C8orf34: variants seen among roughly 807,000 people sequenced by gnomAD.
C8orf34 encodes chromosome 8 open reading frame 34, also known as uncharacterized protein C8orf34.
A neutral mutation model predicts 68.3 loss-of-function variants in C8orf34; 65 were observed. The observed-to-expected ratio is 0.95, with a 90% CI of 0.78 to 1.17. The LOEUF (loss-of-function observed/expected upper bound fraction) is 1.17, where lower values mean the gene tolerates loss of function less well. C8orf34 is among the 50% of genes most tolerant of loss of function. The probability of loss-of-function intolerance (pLI) is 0.00; values close to 1 mark genes in which losing one functional copy is unlikely to be tolerated. For synonymous variants in C8orf34, 244 were observed against 241.2 expected, an observed-to-expected ratio of 1.01 and a Z score of -0.11; for missense variants, 664 against 655.4, an observed-to-expected ratio of 1.01 and a Z score of -0.14.
intron 1 of C8orf34, among the ~76,000 whole-genome samples, chr8:68,426,799 G>A (rs1235106720): frequency 6.6e-6 from 1 of 151,514 alleles, no homozygotes; most frequent in East Asian, 2.0e-4. Context: ...AACCCAGGAG[G>A]TAGACGTTGC....
chr8:68,780,077 T>G (rs1181297981), intron 11 of C8orf34, among the ~76,000 whole-genome samples: 3 of 152,154 alleles, frequency 2.0e-5, no homozygotes, highest in Non-Finnish European at 4.4e-5. Flanking sequence ...TGAAATGACA[T>G]TATAAATCGA....
chr8:68,330,805 A>G (rs1055904516), upstream of C8orf34: 1 of 483,118 alleles, frequency 2.1e-6, no homozygotes, highest in Non-Finnish European at 3.6e-6. Flanking sequence ...ACACACACAC[A>G]CACGCACGCA....
At chr8:68,814,245 C>T (rs1824741369) in intron 12 of C8orf34, among the ~76,000 whole-genome samples, 1 of 152,162 alleles carries the variant, frequency 6.6e-6, no homozygotes, top group South Asian at 2.1e-4. Flanking sequence ...TGGGCTCCAT[C>T]CCAGATCTAC....
At chr8:68,665,987 T>C (rs939694154) in intron 8 of C8orf34, among the ~76,000 whole-genome samples, 4 of 152,218 alleles carry the variant, frequency 2.6e-5, no homozygotes, top group Non-Finnish European at 5.9e-5. Flanking sequence ...ATGGCAAGTG[T>C]ATGAGGCACA....
intron 5 of C8orf34, among the ~76,000 whole-genome samples, chr8:68,514,096 C>T (rs994686532): frequency 5.3e-5 from 8 of 152,086 alleles, no homozygotes; most frequent in Admixed American, 2.6e-4. Context: ...AATTCAGGCT[C>T]GCAGACAATT....
At chr8:68,354,805 G>A (rs1806677757) in intron 1 of C8orf34, among the ~76,000 whole-genome samples, 1 of 152,040 alleles carries the variant, frequency 6.6e-6, no homozygotes, top group African/African-American at 2.4e-5. Context: ...AAGTCTTGAG[G>A]GTGGAAAACA....
intron 11 of C8orf34, among the ~76,000 whole-genome samples, chr8:68,780,532 C>T (rs921201209): frequency 4.6e-5 from 7 of 152,262 alleles, no homozygotes; most frequent in Non-Finnish European, 8.8e-5. Context: ...CTCTCTCTTT[C>T]ATTTTCCCAG....
Position 68,369,285 on chromosome 8 carries a change from A to G in C8orf34, c.327+37946A>G, listed in dbSNP as rs189038350. Among the ~76,000 whole-genome samples the G allele has an allele frequency of 2.8e-3, 434 of 152,292 alleles. 8 individuals are homozygous for G. The highest frequency in any genetic ancestry group is 0.013 in the Admixed American group (193 of 15,294). ...GTATTCCTGCGTTTGGCAACAGGCCACTCAAGTGGACAACCAAATATGCTT... is the reference window on the plus strand; with the variant it reads ...GTATTCCTGCGTTTGGCAACAGGCCGCTCAAGTGGACAACCAAATATGCTT... On this transcript the variant is annotated intron_variant, in intron 1 of 13. Transcript: ENST00000518698.
chr8:68,812,971 T>C (rs1482391997), intron 12 of C8orf34, among the ~76,000 whole-genome samples: 1 of 152,304 alleles, frequency 6.6e-6, no homozygotes, highest in African/African-American at 2.4e-5. Flanking sequence ...GTAATCATAG[T>C]TCATCAGAGT....
chr8:68,487,869 A>C (rs1215225630), intron 4 of C8orf34, among the ~76,000 whole-genome samples, 154 bp from the exon 5 acceptor site: 1 of 152,196 alleles, frequency 6.6e-6, no homozygotes, highest in Admixed American at 6.5e-5. Flanking sequence ...TTCATTGGTA[A>C]AAGGATGTGC....
At chr8:68,592,118 T>C (rs1202832316) in intron 7 of C8orf34, among the ~76,000 whole-genome samples, 1 of 152,188 alleles carries the variant, frequency 6.6e-6, no homozygotes, top group Non-Finnish European at 1.5e-5. Flanking sequence ...ATAACATTGG[T>C]CCCTGCAATG....
intron 3 of C8orf34, among the ~76,000 whole-genome samples, chr8:68,464,456 G>C (rs1410368764): frequency 1.3e-5 from 2 of 151,482 alleles, no homozygotes; most frequent in African/African-American, 4.8e-5. Flanking sequence ...CTACTTTAAA[G>C]TTCATATGGA....
intron 7 of C8orf34, among the ~76,000 whole-genome samples, chr8:68,549,329 GA>G (rs1815989110): frequency 6.6e-6 from 1 of 151,756 alleles, no homozygotes; most frequent in Non-Finnish European, 1.5e-5. Flanking sequence ...GTTCACAAAG[GA>G]AACTAGACAC....
chr8:68,463,640 C>T (rs1811959722), intron 3 of C8orf34, among the ~76,000 whole-genome samples: 1 of 152,116 alleles, frequency 6.6e-6, no homozygotes, highest in East Asian at 1.9e-4. Flanking sequence ...GTTCAATATA[C>T]ACAAATCAAT....
chr8:68,463,055 A>C (rs1811921224), intron 3 of C8orf34, among the ~76,000 whole-genome samples: 1 of 152,222 alleles, frequency 6.6e-6, no homozygotes, highest in South Asian at 2.1e-4. Flanking sequence ...AAGACTAATA[A>C]AGAAAAAAAG....
chr8:68,597,128 A>G (rs1817567683), intron 7 of C8orf34, among the ~76,000 whole-genome samples: 1 of 152,090 alleles, frequency 6.6e-6, no homozygotes. Flanking sequence ...CACACTTCAC[A>G]TGGTGGTGGG....
chr8:68,767,071 G>A (rs1003126187), intron 10 of C8orf34, among the ~76,000 whole-genome samples: 3 of 152,170 alleles, frequency 2.0e-5, no homozygotes, highest in African/African-American at 4.8e-5. Flanking sequence ...GCATGTGCCT[G>A]TAATCCCAGC....
rs534382499 is a variant in C8orf34 at position 68,743,692 on chromosome 8, A to G, written c.1404+22255A>G. Reference sequence around the variant, plus strand: ...TTTCCCGACGGGCTTAAAAAATGGCACACCAGGAGATTAAAACCCGCACCT... The same window carrying G: ...TTTCCCGACGGGCTTAAAAAATGGCGCACCAGGAGATTAAAACCCGCACCT... On this transcript the variant is annotated intron_variant, in intron 10 of 13. Coordinates refer to ENST00000518698, the MANE Select transcript of C8orf34 (RefSeq NM_052958.4). 1.7e-3 allele frequency among the ~76,000 whole-genome samples: 257 copies of G among 152,294 alleles called. 1 individual carries two copies. The highest frequency in any genetic ancestry group is 3.6e-3 in the African/African-American group (151 of 41,570).
intron 7 of C8orf34, among the ~76,000 whole-genome samples, chr8:68,604,253 A>G (rs993445493): frequency 2.0e-5 from 3 of 152,074 alleles, no homozygotes; most frequent in Non-Finnish European, 2.9e-5. Flanking sequence ...GGGTGCTGGG[A>G]TAAGCTTTAG....
Sources: gnomAD v4.1 joint callset for allele counts (sites outside exome capture counted in the v4.1 genomes callset) on GRCh38, gnomAD v4.1.1 for gene constraint, MANE v1.5 for transcripts, NCBI Gene and HGNC (gene_info 2026-07-23, HGNC 2026-07-21) for gene names.